Variants in RSF1 observed in about 807,000 individuals in gnomAD.
RSF1 encodes the protein HBV pX-associated protein 8.
A neutral mutation model predicts 145.2 loss-of-function variants in RSF1; 13 were observed. The observed-to-expected ratio is 0.09, with a 90% CI of 0.06 to 0.14. RSF1 has a LOEUF of 0.14. Ranked by LOEUF, RSF1 falls within the 10% of genes least tolerant of loss-of-function variation. The pLI is 1.00. For missense variants in RSF1, 1,517 were observed against 1,718.2 expected (o/e 0.88, Z 2.07); for synonymous variants, 577 against 592.6 (o/e 0.97, Z 0.38).
chr11:77,821,032 G>A (rs958286412), upstream of RSF1: 20 of 482,654 alleles, frequency 4.1e-5, no homozygotes, highest in Middle Eastern at 2.1e-3. Flanking sequence ...AGCGGGGCGG[G>A]GAGGCGGGCT....
At chr11:77,750,310 A>G (rs568582022) in intron 2 of RSF1, among the ~76,000 whole-genome samples, 1 of 152,342 alleles carries the variant, frequency 6.6e-6, no homozygotes, top group East Asian at 1.9e-4. Flanking sequence ...ACTATAGGCC[A>G]TAGAGTCTCT....
At chr11:77,763,414 C>T (rs1333916968) in intron 2 of RSF1, 1 of 150,782 alleles carries the variant, frequency 6.6e-6, no homozygotes, top group East Asian at 1.9e-4. Flanking sequence ...ATGTGAGGAA[C>T]ATTTCATCAG....
upstream of RSF1, chr11:77,820,959 C>G (rs527928813): frequency 8.0e-5 from 44 of 550,538 alleles, 1 homozygote; most frequent in South Asian, 1.0e-3. Flanking sequence ...CTTTCCGCCC[C>G]CTTCTCTCCT....
Position 77,819,618 on chromosome 11 carries a change from C to A in RSF1, c.187+910G>T, listed in dbSNP as rs117989042. On this transcript the variant is annotated intron_variant, in intron 1 of 15. Transcript: ENST00000308488. ...CAAGCACCTTCTTCAACTGTTTCCC[C>A]CTCCGTCAGAGCCCCTCCTCCAGCT... is the stretch of plus-strand genomic sequence containing the variant. Among the ~76,000 whole-genome samples the A allele has an allele frequency of 6.3e-3, 956 of 152,306 alleles. 4 individuals carry two copies. The highest frequency in any genetic ancestry group is 0.015 in the South Asian group (71 of 4,824).
chr11:77,691,185 T>C lies in RSF1; in HGVS notation c.2874A>G (p.Leu958=). ...TTCGTTCGGCACGCTCTTTCTTCTT[T>C]AAGGCAACATCCAAATCCTGCAACT... ...EEQLQDLDVA[L]KKKERAERRK... Residue 958 remains leucine, a synonymous_variant, in exon 9 of 16, where the codon TTA becomes TTG. Transcript: ENST00000308488. 2 of 1,614,204 alleles carry C rather than the reference T, an allele frequency of 1.2e-6. No individual in the cohort carries two copies. Among genetic ancestry groups the C allele is most frequent in the Non-Finnish European group, 1.7e-6 (2 of 1,180,034 alleles).
chr11:77,821,550 G>A (rs905373090), upstream of RSF1, among the ~76,000 whole-genome samples: 3 of 152,132 alleles, frequency 2.0e-5, no homozygotes, highest in Admixed American at 2.0e-4. Context: ...GGGCCCTGCT[G>A]GGAGAAGAGG....
chr11:77,771,443 G>T (rs1175569222), intron 1 of RSF1, among the ~76,000 whole-genome samples: 3 of 152,176 alleles, frequency 2.0e-5, no homozygotes, highest in Non-Finnish European at 1.5e-5. Context: ...GAGGCCAACA[G>T]CTTCCTCCAA....
In RSF1 at chr11:77,788,632, G is replaced by T. The variant is rs531120035; in HGVS notation, c.188-23943C>A. Among the ~76,000 whole-genome samples, 64 of 152,146 alleles carry T rather than the reference G, an allele frequency of 4.2e-4. 1 individual carries two copies. In the South Asian group the frequency reaches 0.013, roughly 31 times the overall value. ...ATAATGAAAATAACAGTCGTGGCAT[G>T]CATCTAAAGCAGTATTTGTAGAAAA... On this transcript the variant is annotated intron_variant, in intron 1 of 15. Coordinates refer to ENST00000308488, the MANE Select transcript of RSF1 (RefSeq NM_016578.4).
intron 4 of RSF1, among the ~76,000 whole-genome samples, chr11:77,740,193 C>T (rs1317884630): frequency 6.6e-6 from 1 of 151,882 alleles, no homozygotes; most frequent in African/African-American, 2.4e-5. Context: ...CTGACCAACA[C>T]GGAGAAACCT....
intron 1 of RSF1, among the ~76,000 whole-genome samples, chr11:77,808,118 G>A (rs959793381): frequency 6.6e-6 from 1 of 152,102 alleles, no homozygotes; most frequent in African/African-American, 2.4e-5. Context: ...CGAATCACTT[G>A]AGGTCAGGAG....
chr11:77,675,643 T>C (rs1959681727), intron 13 of RSF1, among the ~76,000 whole-genome samples: 2 of 152,210 alleles, frequency 1.3e-5, no homozygotes, highest in African/African-American at 4.8e-5. Flanking sequence ...AACTTTCCCC[T>C]TTTCATTTCT....
intron 7 of RSF1, among the ~76,000 whole-genome samples, chr11:77,697,272 T>A (rs1338327211): frequency 6.6e-6 from 1 of 151,832 alleles, no homozygotes; most frequent in African/African-American, 2.4e-5. Flanking sequence ...ATGTTTCTGG[T>A]CCACACAATT....
intron 4 of RSF1, among the ~76,000 whole-genome samples, chr11:77,739,727 T>C (rs927247159): frequency 2.0e-5 from 3 of 152,240 alleles, no homozygotes; most frequent in East Asian, 1.9e-4. Context: ...CCCTATTTAA[T>C]AGGACCCCGA....
intron 1 of RSF1, among the ~76,000 whole-genome samples, chr11:77,773,796 A>G (rs1948312191): frequency 6.6e-6 from 1 of 152,220 alleles, no homozygotes; most frequent in Non-Finnish European, 1.5e-5. Context: ...AATAGGAAAA[A>G]TTATCTTGTA....
At chr11:77,825,128 C>G (rs1441473138), upstream of RSF1, among the ~76,000 whole-genome samples, 1 of 151,924 alleles carries the variant, frequency 6.6e-6, no homozygotes, top group Non-Finnish European at 1.5e-5. Context: ...CTACAGGCGT[C>G]TGCCACCATG....
intron 4 of RSF1, among the ~76,000 whole-genome samples, chr11:77,731,830 G>A (rs1308592970): frequency 6.6e-6 from 1 of 152,240 alleles, no homozygotes; most frequent in Non-Finnish European, 1.5e-5. Context: ...GAAGATGTAT[G>A]GAAACACCTG....
chr11:77,686,424 A>AAAAAAAAAAAAAAAAAAAAAAAAAC (rs1960008487), intron 9 of RSF1, among the ~76,000 whole-genome samples: 1 of 149,960 alleles, frequency 6.7e-6, no homozygotes, highest in Non-Finnish European at 1.5e-5. Flanking sequence ...AAAAAAAAAA[A>AAAAAAAAAAAAAAAAAAAAAAAAAC]AAAAGCAGGT....
At chr11:77,748,219 TTTTTTTTTTC>T (rs1948022769) in intron 2 of RSF1, among the ~76,000 whole-genome samples, 1 of 150,888 alleles carries the variant, frequency 6.6e-6, no homozygotes, top group Non-Finnish European at 1.5e-5. Context: ...AGAGGATCTT[TTTTTTTTTTC>T]TTTTTTTTTT....
intron 1 of RSF1, among the ~76,000 whole-genome samples, chr11:77,795,984 G>A (rs962004132): frequency 3.0e-4 from 45 of 152,158 alleles, no homozygotes; most frequent in Non-Finnish European, 5.9e-5. Context: ...AGAATTTCTA[G>A]TTTATTTGCG....
Sources: gnomAD v4.1 joint callset for allele counts (sites outside exome capture counted in the v4.1 genomes callset) on GRCh38, gnomAD v4.1.1 for gene constraint, MANE v1.5 for transcripts, NCBI Gene and HGNC (gene_info 2026-07-23, HGNC 2026-07-21) for gene names.